The following SEMA3D variants were observed in gnomAD, a reference collection of about 807,000 sequenced individuals.
SEMA3D encodes the protein semaphorin-3D.
In SEMA3D, 84 loss-of-function variants were observed where a neutral mutation model predicts 100.1. The observed-to-expected ratio is 0.84, with a 90% CI of 0.70 to 1.01. The LOEUF (loss-of-function observed/expected upper bound fraction) is 1.01. SEMA3D is among the 50% of genes least tolerant of loss of function. SEMA3D has a pLI of 0.00. For synonymous variants in SEMA3D, 312 were observed against 320.7 expected (o/e 0.97, Z 0.29); for missense variants, 875 against 934.1 (o/e 0.94, Z 0.82).
chr7:85,133,148 C>T (rs1789773556), intron 2 of SEMA3D, among the ~76,000 whole-genome samples: 1 of 151,902 alleles, frequency 6.6e-6, no homozygotes, highest in South Asian at 2.1e-4. Context: ...TTTTGCATGA[C>T]TGTTCTGTTG....
At chr7:85,230,729 T>C in the SEMA3D span, among the ~76,000 whole-genome samples, 1 of 152,232 alleles carries the variant, frequency 6.6e-6, no homozygotes, top group Non-Finnish European at 1.5e-5. Flanking sequence ...GCTCATTTCC[T>C]GAATGTATGC....
the SEMA3D span, among the ~76,000 whole-genome samples, chr7:85,245,221 G>A: frequency 3.9e-5 from 6 of 152,152 alleles, no homozygotes; most frequent in African/African-American, 1.4e-4. Flanking sequence ...ACGGAAGGAT[G>A]TGAAGTTAAA....
At chr7:85,128,702 A>T (rs113033434) in intron 2 of SEMA3D, among the ~76,000 whole-genome samples, 4,049 of 151,654 alleles carry the variant, frequency 0.027, 172 homozygotes, top group African/African-American at 0.093. Flanking sequence ...TATTCTGCCT[A>T]TGTGAATAAA....
At chr7:85,136,952 A>G (rs1219550963) in intron 2 of SEMA3D, among the ~76,000 whole-genome samples, 1 of 152,080 alleles carries the variant, frequency 6.6e-6, no homozygotes, top group Non-Finnish European at 1.5e-5. Flanking sequence ...AGGGTTTTTT[A>G]ATGTAAATTT....
intron 12 of SEMA3D, among the ~76,000 whole-genome samples, chr7:85,022,841 G>A (rs1790294650): frequency 6.6e-6 from 1 of 151,702 alleles, no homozygotes; most frequent in Non-Finnish European, 1.5e-5. Flanking sequence ...ATTTTATAAT[G>A]TTTCCATAGT....
the SEMA3D span, among the ~76,000 whole-genome samples, chr7:85,218,062 T>A: frequency 6.6e-6 from 1 of 152,088 alleles, no homozygotes; most frequent in Non-Finnish European, 1.5e-5. Flanking sequence ...GCCTGAGTAA[T>A]GCCAGGAGTG....
intron 4 of SEMA3D, among the ~76,000 whole-genome samples, chr7:85,092,785 T>G (rs1186333169): frequency 1.3e-5 from 2 of 152,052 alleles, no homozygotes; most frequent in African/African-American, 4.8e-5. Context: ...ACTTATATGT[T>G]TTCAACATAA....
rs752922884 is a variant in SEMA3D at position 85,147,092 on chromosome 7, C to CT, written c.-41+6515dup. On this transcript the variant is annotated intron_variant, in intron 2 of 18. Coordinates refer to ENST00000284136, the MANE Select transcript of SEMA3D (RefSeq NM_001384900.1). The stretch of plus-strand genomic sequence containing the variant: ...TCTTTCTTTCTTTTCTTTTTCTTTT[C>CT]TTTTTTTTTTTTTTTTTTTTTTTTT... 7.8e-3 allele frequency among the ~76,000 whole-genome samples: 376 copies of CT among 48,182 alleles called. 21 individuals are homozygous for CT. Among genetic ancestry groups the CT allele is most frequent in the Non-Finnish European group, 9.8e-3 (249 of 25,366 alleles). 31.6% of individuals were successfully genotyped at this position (48,182 alleles called of 152,430 possible).
chr7:85,032,713 A>C (rs966507867), intron 12 of SEMA3D, among the ~76,000 whole-genome samples: 18 of 152,300 alleles, frequency 1.2e-4, no homozygotes, highest in African/African-American at 4.3e-4. Context: ...GAGCATAGAT[A>C]TAACAGTTTA....
chr7:85,048,139 G>A (rs1348005459), intron 9 of SEMA3D, among the ~76,000 whole-genome samples: 3 of 151,742 alleles, frequency 2.0e-5, no homozygotes, highest in African/African-American at 4.8e-5. Context: ...CAACAAATAA[G>A]ATTAGGGAAA....
At chr7:85,148,143 T>C (rs1053599652) in intron 2 of SEMA3D, among the ~76,000 whole-genome samples, 1 of 152,048 alleles carries the variant, frequency 6.6e-6, no homozygotes, top group Non-Finnish European at 1.5e-5. Flanking sequence ...ATGGAAAAAA[T>C]GAATAAGTAA....
intron 1 of SEMA3D, among the ~76,000 whole-genome samples, chr7:85,172,509 A>G (rs7779964): frequency 0.67 from 100,800 of 151,576 alleles, 34,230 homozygotes; most frequent in East Asian, 0.92. Context: ...CTGAGGAATG[A>G]CCAAGCAGAT....
intron 9 of SEMA3D, among the ~76,000 whole-genome samples, chr7:85,052,680 T>C (rs963002081): frequency 2.0e-5 from 3 of 151,936 alleles, no homozygotes; most frequent in South Asian, 2.1e-4. Context: ...CACATTATGA[T>C]TATTTGTTGA....
chr7:85,100,275 G>C (rs1562818213), intron 3 of SEMA3D, among the ~76,000 whole-genome samples: 1 of 150,580 alleles, frequency 6.6e-6, no homozygotes, highest in South Asian at 2.1e-4. Context: ...TAGCAGCAAA[G>C]TTGATAATTG....
chr7:85,204,475 G>A, the SEMA3D span, among the ~76,000 whole-genome samples: 1 of 151,950 alleles, frequency 6.6e-6, no homozygotes, highest in South Asian at 2.1e-4. Flanking sequence ...AGTCCTCCAG[G>A]CCCAACCCAG....
At chr7:85,032,157 A>G (rs1790568376) in intron 12 of SEMA3D, among the ~76,000 whole-genome samples, 1 of 151,904 alleles carries the variant, frequency 6.6e-6, no homozygotes, top group African/African-American at 2.4e-5. Flanking sequence ...CGTGGTCTTT[A>G]TCATTCACTC....
At chr7:85,098,522 C>CT (rs770510121) in intron 3 of SEMA3D, among the ~76,000 whole-genome samples, 417 of 151,620 alleles carry the variant, frequency 2.8e-3, no homozygotes, top group Non-Finnish European at 2.6e-3. Flanking sequence ...AAAAAATACA[C>CT]TTTTTTTGGA....
chr7:85,134,156 T>A (rs1789797192), intron 2 of SEMA3D, among the ~76,000 whole-genome samples: 1 of 152,024 alleles, frequency 6.6e-6, no homozygotes, highest in South Asian at 2.1e-4. Context: ...ACTGAAATCC[T>A]AATAAAAAGA....
rs531352176 is a variant in SEMA3D, at chr7:85,038,864, A to G, written c.1046+1809T>C. On this transcript the variant is annotated intron_variant, in intron 11 of 18. Transcript: ENST00000284136. The stretch of plus-strand genomic sequence containing the variant: ...TATTCTGTATCTTATAATTAACCAA[A>G]CAGTATTTTGTTTTCTGATCTATTC... Among the ~76,000 whole-genome samples the G allele has an allele frequency of 2.0e-4, 31 of 152,282 alleles. No individual in the cohort carries two copies. In the South Asian group the frequency reaches 6.2e-3, roughly 31 times the overall value.
Sources: gnomAD v4.1 joint callset for allele counts (sites outside exome capture counted in the v4.1 genomes callset) on GRCh38, gnomAD v4.1.1 for gene constraint, MANE v1.5 for transcripts, NCBI Gene and HGNC (gene_info 2026-07-23, HGNC 2026-07-21) for gene names.